Variants in PAQR5 observed in about 807,000 individuals in gnomAD.
PAQR5 encodes progestin and adipoQ receptor family member 5.
In PAQR5, 20 loss-of-function variants were observed where a neutral mutation model predicts 34.5. The observed-to-expected ratio is 0.58, with a 90% CI of 0.41 to 0.84. The LOEUF (loss-of-function observed/expected upper bound fraction) is 0.84, where lower values mean the gene tolerates loss of function less well. PAQR5 is among the 40% of genes least tolerant of loss of function. The pLI is 0.00. For missense variants in PAQR5, 378 were observed against 412.7 expected (o/e 0.92, Z 0.73); for synonymous variants, 131 against 155.6 (o/e 0.84, Z 1.18).
intron 1 of PAQR5, among the ~76,000 whole-genome samples, chr15:69,335,000 A>G (rs1451944923): frequency 6.6e-6 from 1 of 152,032 alleles, no homozygotes; most frequent in African/African-American, 2.4e-5. Context: ...AGGAGTGGGG[A>G]TCCCTTGAGG....
At chr15:69,346,804 T>C (rs1323054482) in intron 2 of PAQR5, among the ~76,000 whole-genome samples, 2 of 150,256 alleles carry the variant, frequency 1.3e-5, no homozygotes, top group Admixed American at 1.3e-4. Flanking sequence ...GTATTTTTAT[T>C]TATTTATTTA....
At position 69,395,760 on chromosome 15, in the gene PAQR5, C is replaced by T. The variant is rs373026692; in HGVS notation, c.513-1708C>T. ...CACAGTGCTGCGCTGCCTCACCTCT[C>T]CGGGAGTTTGGTTCTTTTTCGGGGG... is the stretch of plus-strand genomic sequence containing the variant. On this transcript the variant is annotated intron_variant, in intron 6 of 8. Transcript: ENST00000395407. Among the ~76,000 whole-genome samples, 414 of 152,234 alleles carry T rather than the reference C, an allele frequency of 2.7e-3. 1 individual carries two copies. The highest frequency in any genetic ancestry group is 4.0e-3 in the Non-Finnish European group (272 of 68,026).
intron 5 of PAQR5, among the ~76,000 whole-genome samples, chr15:69,389,187 C>T (rs2056189726): frequency 2.0e-5 from 3 of 152,162 alleles, no homozygotes; most frequent in Non-Finnish European, 4.4e-5. Context: ...GTGAGATGTG[C>T]ACACTCTGAG....
intron 1 of PAQR5, among the ~76,000 whole-genome samples, chr15:69,333,885 G>A (rs76532571): frequency 0.031 from 4,658 of 152,228 alleles, 159 homozygotes; most frequent in East Asian, 0.14. Context: ...TTGTGTGTGT[G>A]TGTGTGTGAG....
intron 3 of PAQR5, among the ~76,000 whole-genome samples, chr15:69,378,826 G>A (rs577903897): frequency 6.6e-6 from 1 of 152,126 alleles, no homozygotes; most frequent in Admixed American, 6.5e-5. Flanking sequence ...CACAACTTGG[G>A]GGGTAGGGTG....
chr15:69,372,551 CA>C (rs1387725198), intron 3 of PAQR5, among the ~76,000 whole-genome samples: 1 of 152,020 alleles, frequency 6.6e-6, no homozygotes, highest in African/African-American at 2.4e-5. Context: ...TCAAACAAAA[CA>C]AAACAAAACA....
At chr15:69,334,187 C>T (rs1040990230) in intron 1 of PAQR5, among the ~76,000 whole-genome samples, 4 of 152,004 alleles carry the variant, frequency 2.6e-5, no homozygotes, top group Admixed American at 6.6e-5. Flanking sequence ...GCCACCACGC[C>T]GGGCTAATTT....
chr15:69,360,220 C>T (rs573447537), intron 3 of PAQR5, 89 bp downstream of exon 3: 2 of 958,920 alleles, frequency 2.1e-6, no homozygotes, highest in African/African-American at 3.2e-5. Context: ...TTCACCTAGT[C>T]TGTTCTGTAC....
At chr15:69,397,681 C>T (rs1200473183) in intron 7 of PAQR5, 117 bp downstream of exon 7, 12 of 749,204 alleles carry the variant, frequency 1.6e-5, no homozygotes, top group Middle Eastern at 3.3e-4. Context: ...AAACAGGAGT[C>T]GAGACCCAGG....
chr15:69,350,605 T>C (rs2054891334), intron 2 of PAQR5, among the ~76,000 whole-genome samples: 1 of 151,940 alleles, frequency 6.6e-6, no homozygotes, highest in African/African-American at 2.4e-5. Flanking sequence ...ATTGAGCCAC[T>C]GCACTCCAGC....
At chr15:69,301,859 A>ATTTTTTTTTTTTTTTTTTTTT (rs71149903) in intron 1 of PAQR5, among the ~76,000 whole-genome samples, 2 of 98,866 alleles carry the variant, frequency 2.0e-5, no homozygotes, top group Admixed American at 9.8e-5. Context: ...ATGGGGGGAG[A>ATTTTTTTTTTTTTTTTTTTTT]TTTTTTTTTT....
At chr15:69,332,803 AAAG>A (rs1173821709) in intron 1 of PAQR5, among the ~76,000 whole-genome samples, 144 of 148,830 alleles carry the variant, frequency 9.7e-4, no homozygotes, top group Non-Finnish European at 2.0e-3. Flanking sequence ...AAAAAAAAAA[AAAG>A]AAACGGCTTA....
At chr15:69,320,128 G>T (rs2140591763) in intron 1 of PAQR5, among the ~76,000 whole-genome samples, 1 of 152,364 alleles carries the variant, frequency 6.6e-6, no homozygotes, top group African/African-American at 2.4e-5. Flanking sequence ...CCTGGCAGGG[G>T]CTTCGCCCTT....
intron 1 of PAQR5, among the ~76,000 whole-genome samples, chr15:69,334,557 C>A (rs2054467953): frequency 6.6e-6 from 1 of 152,140 alleles, no homozygotes; most frequent in Admixed American, 6.5e-5. Context: ...AGAGTCAGAC[C>A]TTATCTTCAT....
rs531472125 is a variant in PAQR5 at position 69,310,996 on chromosome 15, G to A, written c.-277+11940G>A. Among the ~76,000 whole-genome samples, 885 of 123,796 alleles carry A rather than the reference G, an allele frequency of 7.1e-3. 7 individuals are homozygous for A. Among genetic ancestry groups the A allele is most frequent in the Middle Eastern group, 0.047 (8 of 172 alleles). The allele number at this position is 123,796 out of a possible 152,430, so 81.2% of individuals were successfully genotyped here. A position where few individuals can be genotyped will look rare whatever the true frequency, so the allele number is the denominator to read the frequency against. On this transcript the variant is annotated intron_variant, in intron 1 of 8. Coordinates refer to ENST00000395407, the MANE Select transcript of PAQR5 (RefSeq NM_017705.4). ...GGAGCTTGCAGTGAGCCGAGATCGC[G>A]CCACTGCACTCCAGCCTGGGCAACA...
intron 1 of PAQR5, among the ~76,000 whole-genome samples, chr15:69,319,670 G>T (rs1444052420): frequency 6.6e-6 from 1 of 152,118 alleles, no homozygotes; most frequent in Non-Finnish European, 1.5e-5. Flanking sequence ...GCTTTAACCA[G>T]TCCTCACCTC....
chr15:69,404,133 G>T lies in PAQR5; in HGVS notation c.*311G>T. 1 of 284,590 alleles carries T rather than the reference G, an allele frequency of 3.5e-6. No homozygotes were observed. The highest frequency in any genetic ancestry group is 6.7e-6 in the Non-Finnish European group (1 of 149,912). 17.6% of individuals were successfully genotyped at this position (284,590 alleles called of 1,614,324 possible). On this transcript the variant is annotated 3_prime_UTR_variant, in exon 9 of 9. Transcript: ENST00000395407. Reference sequence around the variant, plus strand: ...AATTCTATTTAAACATTTGGATTAAGCATATTACTCTGGAGCTTTGTATTA... The same window carrying T: ...AATTCTATTTAAACATTTGGATTAATCATATTACTCTGGAGCTTTGTATTA...
chr15:69,305,284 C>T (rs1377940894), intron 1 of PAQR5, among the ~76,000 whole-genome samples: 2 of 152,126 alleles, frequency 1.3e-5, no homozygotes, highest in Non-Finnish European at 1.5e-5. Context: ...GGTTGAGACC[C>T]CTGGGATCAA....
At chr15:69,339,173 C>CT (rs936317993) in intron 2 of PAQR5, among the ~76,000 whole-genome samples, 3 of 145,754 alleles carry the variant, frequency 2.1e-5, no homozygotes, top group East Asian at 2.1e-4. Flanking sequence ...TGGCTACACC[C>CT]CCCACCCCGC....
Sources: allele counts gnomAD v4.1 joint callset (sites outside exome capture counted in the v4.1 genomes callset), GRCh38; gene constraint gnomAD v4.1.1; transcripts MANE v1.5; gene names NCBI Gene and HGNC (gene_info 2026-07-23, HGNC 2026-07-21).